The following MOXD1 variants were observed in gnomAD, a reference collection of about 807,000 sequenced individuals.
MOXD1 encodes monooxygenase DBH like 1.
A neutral mutation model predicts 66.6 loss-of-function variants in MOXD1; 62 were observed. The ratio of observed to expected loss-of-function variants is 0.93; its 90% CI spans 0.76 to 1.15. MOXD1 has a LOEUF of 1.15. MOXD1 is among the 50% of genes most tolerant of loss of function. The pLI is 0.00. For synonymous variants in MOXD1, 303 were observed against 281.9 expected, an observed-to-expected ratio of 1.07 and a Z score of -0.75; for missense variants, 847 against 754.6, an observed-to-expected ratio of 1.12 and a Z score of -1.44.
chr6:132,301,136 C>T (rs1774526120), intron 10 of MOXD1, among the ~76,000 whole-genome samples: 1 of 151,700 alleles, frequency 6.6e-6, no homozygotes. Flanking sequence ...TAAAAAGTTA[C>T]ATTTCTGCAT....
At chr6:132,392,230 G>A (rs746429929) in intron 1 of MOXD1, 338 of 1,600,654 alleles carry the variant, frequency 2.1e-4, no homozygotes, top group Admixed American at 3.2e-4. Flanking sequence ...CAAGTGGCCC[G>A]GCAGCAATTA....
intron 1 of MOXD1, among the ~76,000 whole-genome samples, chr6:132,381,768 T>C (rs558858223): frequency 1.2e-4 from 18 of 152,174 alleles, no homozygotes; most frequent in Admixed American, 7.9e-4. Flanking sequence ...CAGTAAAACA[T>C]TGACCAATTA....
intron 4 of MOXD1, among the ~76,000 whole-genome samples, chr6:132,369,121 T>C (rs1776210185): frequency 6.6e-6 from 1 of 152,086 alleles, no homozygotes; most frequent in African/African-American, 2.4e-5. Flanking sequence ...TATTGTGACA[T>C]AGTATTAGGC....
chr6:132,341,580 T>A (rs1251237136), intron 4 of MOXD1, among the ~76,000 whole-genome samples: 5 of 152,202 alleles, frequency 3.3e-5, no homozygotes, highest in Non-Finnish European at 7.3e-5. Context: ...AGTCAGTACT[T>A]CTTTTTCTGA....
Position 132,401,276 on chromosome 6 carries a change from G to T in MOXD1, c.151C>A (p.Arg51Ser). The T allele has an allele frequency of 6.3e-7, 1 of 1,598,324 alleles. No homozygotes were observed. Residue 51 changes from arginine (R) to serine (S), a missense_variant, in exon 1 of 12, where the codon CGC (arginine) becomes AGC (serine). By Grantham distance (110) the Arg-to-Ser change is moderately radical. Coordinates refer to ENST00000367963, the MANE Select transcript of MOXD1 (RefSeq NM_015529.4). Reference sequence around the variant, plus strand: ...TAGCCTGCAGTGCGCACCTGGAGGCGGAAGGCGATCTGGCTGCCCCGCTGG... The same window carrying T: ...TAGCCTGCAGTGCGCACCTGGAGGCTGAAGGCGATCTGGCTGCCCCGCTGG... ...WSQRGSQIAF[R>S]LQVRTAGYVG...
intron 1 of MOXD1, among the ~76,000 whole-genome samples, chr6:132,394,305 C>T (rs544521198): frequency 3.3e-5 from 5 of 152,104 alleles, no homozygotes; most frequent in Admixed American, 6.6e-5. Flanking sequence ...GATAAATCTT[C>T]AAGAAATGTC....
In MOXD1 at chr6:132,395,673, G is replaced by T. The variant is rs560480095; in HGVS notation, c.264+5490C>A. ...AGCCATATACTAACTGAAATTAAAG[G>T]ATGGGAAAAGAACTTCCATGCAAAC... On this transcript the variant is annotated intron_variant, in intron 1 of 11. Coordinates refer to ENST00000367963, the MANE Select transcript of MOXD1 (RefSeq NM_015529.4). Among the ~76,000 whole-genome samples the T allele has an allele frequency of 2.6e-5, 4 of 152,228 alleles. No individual in the cohort carries two copies. The South Asian group carries it at 8.3e-4, about 32-fold the overall frequency.
chr6:132,349,354 T>C (rs1775735330), intron 4 of MOXD1, among the ~76,000 whole-genome samples: 2 of 143,928 alleles, frequency 1.4e-5, no homozygotes, highest in South Asian at 2.1e-4. Context: ...TATATATAGA[T>C]ATATTCCATC....
chr6:132,327,240 T>C (rs765329799), intron 6 of MOXD1, among the ~76,000 whole-genome samples: 1 of 152,236 alleles, frequency 6.6e-6, no homozygotes, highest in East Asian at 1.9e-4. Context: ...TTTGGACCAA[T>C]TGGCATACAT....
intron 2 of MOXD1, 117 bp from the exon 3 acceptor site, chr6:132,373,114 A>G: frequency 5.0e-6 from 5 of 1,009,344 alleles, no homozygotes; most frequent in Non-Finnish European, 6.9e-6. Flanking sequence ...GACAATAATG[A>G]CATTTGGAGT....
At chr6:132,381,036 G>GA (rs879319929) in intron 1 of MOXD1, among the ~76,000 whole-genome samples, 119 of 152,202 alleles carry the variant, frequency 7.8e-4, no homozygotes, top group Admixed American at 2.2e-3. Context: ...AAATAAATAA[G>GA]AAAAAAATAG....
intron 4 of MOXD1, among the ~76,000 whole-genome samples, chr6:132,359,528 C>T (rs1775972987): frequency 6.7e-6 from 1 of 149,702 alleles, no homozygotes; most frequent in Non-Finnish European, 1.5e-5. Flanking sequence ...GCTCTGTCGC[C>T]CAGGCTGGAG....
chr6:132,341,915 C>T (rs1440175145), intron 4 of MOXD1, among the ~76,000 whole-genome samples: 1 of 152,338 alleles, frequency 6.6e-6, no homozygotes, highest in Non-Finnish European at 1.5e-5. Flanking sequence ...AATCCAAGGT[C>T]TGCCCCTTAC....
At chr6:132,397,632 G>A (rs868739613) in intron 1 of MOXD1, among the ~76,000 whole-genome samples, 102 of 109,126 alleles carry the variant, frequency 9.3e-4, no homozygotes, top group African/African-American at 2.4e-3. Context: ...GAGAGAGAGA[G>A]AGACAGAAAG....
intron 2 of MOXD1, among the ~76,000 whole-genome samples, chr6:132,373,697 G>T (rs1173730095): frequency 6.6e-6 from 1 of 152,180 alleles, no homozygotes; most frequent in Non-Finnish European, 1.5e-5. Context: ...GTTGGGGAGG[G>T]TTTGCTGGGG....
chr6:132,372,806 A>C (rs771870442), intron 3 of MOXD1, 24 bp downstream of exon 3: 3 of 1,612,162 alleles, frequency 1.9e-6, no homozygotes, highest in Non-Finnish European at 2.5e-6. Context: ...CATCCCTACA[A>C]TCATAAAACC....
At chr6:132,312,598 C>CTTTTTT (rs10710763) in intron 10 of MOXD1, among the ~76,000 whole-genome samples, 1 of 146,552 alleles carries the variant, frequency 6.8e-6, no homozygotes. Flanking sequence ...GGGTTTTGTC[C>CTTTTTT]TTTTTTTTTT....
At chr6:132,363,089 A>G (rs562371535) in intron 4 of MOXD1, among the ~76,000 whole-genome samples, 13 of 152,276 alleles carry the variant, frequency 8.5e-5, no homozygotes, top group Admixed American at 3.3e-4. Flanking sequence ...GGGTCTGCTC[A>G]CACAGTCCTG....
At chr6:132,356,892 A>C (rs1015066593) in intron 4 of MOXD1, among the ~76,000 whole-genome samples, 1 of 152,080 alleles carries the variant, frequency 6.6e-6, no homozygotes, top group African/African-American at 2.4e-5. Context: ...AGCATTAGTC[A>C]CCTCAGGAAA....
Sources: gnomAD v4.1 joint callset for allele counts (sites outside exome capture counted in the v4.1 genomes callset) on GRCh38, gnomAD v4.1.1 for gene constraint, MANE v1.5 for transcripts, NCBI Gene and HGNC (gene_info 2026-07-23, HGNC 2026-07-21) for gene names.